Variants in PPP1CB observed in about 807,000 individuals in gnomAD.
PPP1CB encodes serine/threonine-protein phosphatase PP1-beta catalytic subunit.
PPP1CB carries 2 observed loss-of-function variants against 43.7 expected under a neutral mutation model. The observed-to-expected ratio is 0.05, with a 90% CI of 0.02 to 0.14. The LOEUF is 0.14. Among genes scored for constraint, PPP1CB ranks in the 10% least tolerant of loss-of-function variants. The pLI is 1.00. For synonymous variants in PPP1CB, 136 were observed against 135.6 expected (o/e 1.00, Z -0.02); for missense variants, 84 against 398.0 (o/e 0.21, Z 6.71).
Position 28,751,899 on chromosome 2 carries a change from C to G in PPP1CB, c.-226C>G. The G allele has an allele frequency of 1.7e-6, 1 of 602,608 alleles. No homozygotes were observed. Among genetic ancestry groups the G allele is most frequent in the South Asian group, 1.8e-5 (1 of 56,132 alleles). 37.3% of individuals were successfully genotyped at this position (602,608 alleles called of 1,614,324 possible). On this transcript the variant is annotated 5_prime_UTR_variant, in exon 1 of 8. Coordinates refer to ENST00000395366, the MANE Select transcript of PPP1CB (RefSeq NM_002709.3). ...CTGACGCGGCCCTGTTCGAGGGGGC[C>G]TCTCTTGTTTATTTATTTATTTTCC...
intron 1 of PPP1CB, among the ~76,000 whole-genome samples, chr2:28,775,622 C>G (rs1667021598): frequency 6.6e-6 from 1 of 152,142 alleles, no homozygotes; most frequent in Admixed American, 6.6e-5. Context: ...AGCAGTCCTC[C>G]CGCTTTGACC....
chr2:28,785,065 C>CTTTTTTTTTTTTTT lies in PPP1CB; in HGVS notation c.592+1102_592+1115dup. Reference sequence around the variant, plus strand: ...ATGTTGTAATAAATTGTGTTAGGAGCTTTTTTTTTTTTTTTTTTTTTTTTT... The same window carrying CTTTTTTTTTTTTTT: ...ATGTTGTAATAAATTGTGTTAGGAGCTTTTTTTTTTTTTTTTTTTTTTTTTTTTTTTTTTTTTTT... On this transcript the variant is annotated intron_variant, in intron 5 of 7. Coordinates refer to ENST00000395366, the MANE Select transcript of PPP1CB (RefSeq NM_002709.3). 1.1e-3 allele frequency among the ~76,000 whole-genome samples: 60 copies of CTTTTTTTTTTTTTT among 54,996 alleles called. 12 individuals are homozygous for CTTTTTTTTTTTTTT. Among genetic ancestry groups the CTTTTTTTTTTTTTT allele is most frequent in the Non-Finnish European group, 1.4e-3 (40 of 28,692 alleles). The allele number at this position is 54,996 out of a possible 152,430, so 36.1% of individuals were successfully genotyped here. A position where few individuals can be genotyped will look rare whatever the true frequency, so the allele number is the denominator to read the frequency against.
At chr2:28,796,511 G>T (rs1667500564) in intron 7 of PPP1CB, among the ~76,000 whole-genome samples, 1 of 152,056 alleles carries the variant, frequency 6.6e-6, no homozygotes, top group African/African-American at 2.4e-5. Context: ...TCCCTGGTTA[G>T]CTGTATTCCT....
intron 5 of PPP1CB, among the ~76,000 whole-genome samples, chr2:28,784,277 G>C (rs1299916429): frequency 2.0e-5 from 3 of 152,014 alleles, no homozygotes; most frequent in Non-Finnish European, 2.9e-5. Context: ...ACTAGCATTG[G>C]TTATGTTCTT....
At chr2:28,777,716 A>G (rs1018022442) in intron 2 of PPP1CB, among the ~76,000 whole-genome samples, 2 of 152,184 alleles carry the variant, frequency 1.3e-5, no homozygotes, top group Non-Finnish European at 2.9e-5. Context: ...ACAATGGCAC[A>G]ATCTTGGCTC....
intron 5 of PPP1CB, among the ~76,000 whole-genome samples, chr2:28,786,384 G>A (rs573727645): frequency 3.9e-5 from 6 of 152,118 alleles, no homozygotes; most frequent in Non-Finnish European, 7.3e-5. Flanking sequence ...AAAGTGCTGG[G>A]ATTACAGGCG....
intron 2 of PPP1CB, 45 bp downstream of exon 2, chr2:28,777,027 T>G: frequency 6.3e-7 from 1 of 1,586,018 alleles, no homozygotes; most frequent in East Asian, 2.3e-5. Flanking sequence ...TGAATCATGT[T>G]TTTCCTCCCA....
Position 28,768,432 on chromosome 2 carries a change from A to G in PPP1CB, c.53-8419A>G, listed in dbSNP as rs115860877. ...AGTCATTGACTGACTTCAGAGGTACACATAAGCAAGAGAAGAAACCCAGCA... is the reference window on the plus strand; with the variant it reads ...AGTCATTGACTGACTTCAGAGGTACGCATAAGCAAGAGAAGAAACCCAGCA... On this transcript the variant is annotated intron_variant, in intron 1 of 7. Transcript: ENST00000395366. Among the ~76,000 whole-genome samples the G allele has an allele frequency of 3.8e-3, 576 of 152,370 alleles. 6 individuals carry two copies. Among genetic ancestry groups the G allele is most frequent in the African/African-American group, 0.013 (545 of 41,594 alleles).
At chr2:28,771,699 C>T (rs943532801) in intron 1 of PPP1CB, among the ~76,000 whole-genome samples, 2 of 152,068 alleles carry the variant, frequency 1.3e-5, no homozygotes, top group Non-Finnish European at 2.9e-5. Context: ...AAACCTTGAC[C>T]TTTACATCAA....
At chr2:28,763,903 A>T (rs1238297684) in intron 1 of PPP1CB, among the ~76,000 whole-genome samples, 6 of 144,584 alleles carry the variant, frequency 4.1e-5, no homozygotes, top group African/African-American at 1.2e-4. Context: ...ACGGGGTTTC[A>T]GCATGTTGGT....
intron 3 of PPP1CB, among the ~76,000 whole-genome samples, chr2:28,780,084 CTTTTTTT>C (rs10559224): frequency 1.9e-4 from 25 of 131,818 alleles, no homozygotes; most frequent in African/African-American, 6.5e-4. Context: ...TCTTTTCTTT[CTTTTTTT>C]TTTTTTTTTT....
rs1476208722 is a variant in PPP1CB at position 28,752,074 on chromosome 2, G to T, written c.-51G>T. 6.5e-7 allele frequency: 1 copy of T among 1,536,620 alleles called. No homozygotes were observed. The highest frequency in any genetic ancestry group is 1.4e-5 in the African/African-American group (1 of 72,522). On this transcript the variant is annotated 5_prime_UTR_variant, in exon 1 of 8. Coordinates refer to ENST00000395366, the MANE Select transcript of PPP1CB (RefSeq NM_002709.3). ...CCGAGCCGTCGCCGCAGCCTCCGCCGCCGAGAAGCCCTTGTTCCCGCTGCT... is the reference window on the plus strand; with the variant it reads ...CCGAGCCGTCGCCGCAGCCTCCGCCTCCGAGAAGCCCTTGTTCCCGCTGCT...
intron 6 of PPP1CB, among the ~76,000 whole-genome samples, 174 bp from the exon 7 acceptor site, chr2:28,793,689 C>A (rs1199862239): frequency 2.0e-5 from 3 of 151,946 alleles, no homozygotes; most frequent in Non-Finnish European, 2.9e-5. Context: ...AAAGGCACAC[C>A]AGTTTTAATG....
At chr2:28,785,323 C>G (rs1182004928) in intron 5 of PPP1CB, among the ~76,000 whole-genome samples, 1 of 151,946 alleles carries the variant, frequency 6.6e-6, no homozygotes, top group African/African-American at 2.4e-5. Context: ...ATCCACCCAC[C>G]TTGGCCTCCC....
chr2:28,798,422 C>T (rs918086864), intron 7 of PPP1CB, among the ~76,000 whole-genome samples: 1 of 151,936 alleles, frequency 6.6e-6, no homozygotes, highest in African/African-American at 2.4e-5. Context: ...TCCTTATAGC[C>T]GAAAAAGTCA....
chr2:28,793,847 AC>A lies in PPP1CB; in HGVS notation c.745-15del, dbSNP rs1362751133. Reference sequence around the variant, plus strand: ...CCACCAATAAATGTTTTTTCTTCTGACATTTCCTTTGACAGGTGGTGGAAGA... The same window carrying A: ...CCACCAATAAATGTTTTTTCTTCTGAATTTCCTTTGACAGGTGGTGGAAGA... On this transcript the variant is annotated splice_polypyrimidine_tract_variant and intron_variant, in intron 6 of 7. Coordinates refer to ENST00000395366, the MANE Select transcript of PPP1CB (RefSeq NM_002709.3). The A allele has an allele frequency of 6.2e-7, 1 of 1,613,254 alleles. No homozygotes were observed. Among genetic ancestry groups the A allele is most frequent in the Admixed American group, 1.7e-5 (1 of 59,902 alleles).
chr2:28,755,901 C>T (rs555712368), intron 1 of PPP1CB, among the ~76,000 whole-genome samples: 136 of 152,228 alleles, frequency 8.9e-4, no homozygotes, highest in Non-Finnish European at 1.4e-3. Flanking sequence ...TAATATGAAA[C>T]TGTTTAGAAT....
At chr2:28,762,176 T>C (rs1168505616) in intron 1 of PPP1CB, among the ~76,000 whole-genome samples, 2 of 152,126 alleles carry the variant, frequency 1.3e-5, no homozygotes, top group Non-Finnish European at 2.9e-5. Flanking sequence ...TCCCAGCTAC[T>C]TGGGAGGCTG....
intron 1 of PPP1CB, among the ~76,000 whole-genome samples, chr2:28,760,999 C>A (rs1432743796): frequency 6.6e-6 from 1 of 152,158 alleles, no homozygotes; most frequent in African/African-American, 2.4e-5. Context: ...CTCCTGGGTT[C>A]TAGCGATTCT....
Sources: gnomAD v4.1 joint callset for allele counts (sites outside exome capture counted in the v4.1 genomes callset) on GRCh38, gnomAD v4.1.1 for gene constraint, MANE v1.5 for transcripts, NCBI Gene and HGNC (gene_info 2026-07-23, HGNC 2026-07-21) for gene names.